The following BRWD1 variants were observed in gnomAD, a reference collection of about 807,000 sequenced individuals.
BRWD1 encodes bromodomain and WD repeat domain containing 1.
Under a neutral mutation model 251.2 loss-of-function variants are expected in BRWD1, and 82 were observed. That is an observed-to-expected ratio of 0.33 (90% CI 0.27 to 0.39). The LOEUF (loss-of-function observed/expected upper bound fraction) is 0.39. Among genes scored for constraint, BRWD1 ranks in the 10% least tolerant of loss-of-function variants. The pLI, the probability that BRWD1 is intolerant of heterozygous loss-of-function variation, is 1.00. For synonymous variants in BRWD1, 918 were observed against 902.8 expected (o/e 1.02, Z -0.30); for missense variants, 2,233 against 2,711.6 (o/e 0.82, Z 3.92).
In BRWD1 at chr21:39,296,259, A is replaced by C. The variant is rs368121723; in HGVS notation, c.448+6T>G. 8.2e-6 allele frequency: 13 copies of C among 1,586,404 alleles called. No homozygotes were observed. Among genetic ancestry groups the C allele is most frequent in the Non-Finnish European group, 1.1e-5 (13 of 1,169,704 alleles). On this transcript the variant is annotated splice_donor_region_variant and intron_variant, in intron 6 of 40. Transcript: ENST00000342449. ...TTCAGGCATCTCAAAGGCCAACCTT[A>C]CTTACCAAGATTTGGTGGGGAACCA...
chr21:39,312,765 G>T (rs1453171335), intron 4 of BRWD1, 76 bp downstream of exon 4: 1 of 1,274,264 alleles, frequency 7.8e-7, no homozygotes, highest in African/African-American at 1.5e-5. Flanking sequence ...ACGGGCCGGG[G>T]TCCCCGCGAG....
chr21:39,248,488 A>G (rs1030351007), intron 20 of BRWD1, among the ~76,000 whole-genome samples: 3 of 151,722 alleles, frequency 2.0e-5, no homozygotes, highest in Non-Finnish European at 4.4e-5. Context: ...AAAACGAAAA[A>G]TTAGCTGGGC....
rs2034245053 is a variant in BRWD1, at chr21:39,247,725, A to C, written c.2457T>G (p.Asn819Lys). ...NRSWRELSSG[N>K]ESSSSVRHET... ...CATGTCTTACAGAGCTTGAAGACTC[A>C]TTTCCAGAAGATAACTCACGCCAGC... Residue 819 changes from asparagine to lysine, a missense_variant, in exon 21 of 41, where the codon AAT becomes AAG. Asn to Lys is a moderately conservative substitution (Grantham distance 94, BLOSUM62 0). Transcript: ENST00000342449. 6.2e-7 allele frequency: 1 copy of C among 1,612,554 alleles called. No homozygotes were observed. The highest frequency in any genetic ancestry group is 1.7e-5 in the Admixed American group (1 of 59,672).
chr21:39,300,417 GGT>G (rs1221177627), intron 4 of BRWD1, among the ~76,000 whole-genome samples: 1 of 152,168 alleles, frequency 6.6e-6, no homozygotes, highest in Non-Finnish European at 1.5e-5. Context: ...AGTTTGGAAA[GGT>G]GGCAACTCCA....
intron 1 of BRWD1, among the ~76,000 whole-genome samples, chr21:39,320,503 T>G (rs2036736653): frequency 6.6e-6 from 1 of 151,726 alleles, no homozygotes; most frequent in African/African-American, 2.4e-5. Context: ...ACTGGCTAGT[T>G]TTTGCATTTT....
chr21:39,292,121 GTGGGTGGGGGT>G (rs1437637047), intron 8 of BRWD1, among the ~76,000 whole-genome samples: 84 of 50,862 alleles, frequency 1.7e-3, no homozygotes, highest in African/African-American at 4.1e-3. Context: ...TTTGTGGGGG[GTGGGTGGGGGT>G]GGGGGGGGGG....
Position 39,190,822 on chromosome 21 carries a change from A to C in BRWD1, c.*5437T>G. Reference sequence around the variant, plus strand: ...TATGGCAGCATCAGGTCAAAAGACCATCAGAAATAATTCCATGAACTAGTT... The same window carrying C: ...TATGGCAGCATCAGGTCAAAAGACCCTCAGAAATAATTCCATGAACTAGTT... On this transcript the variant is annotated 3_prime_UTR_variant, in exon 41 of 41. Transcript: ENST00000342449. 1 of 985,406 alleles carries C rather than the reference A, an allele frequency of 1.0e-6. No individual in the cohort carries two copies. The highest frequency in any genetic ancestry group is 1.2e-6 in the Non-Finnish European group (1 of 829,906). The allele number at this position is 985,406 out of a possible 1,614,324, so 61.0% of individuals were successfully genotyped here.
At chr21:39,296,477 G>C in intron 5 of BRWD1, 114 bp from the exon 6 acceptor site, 1 of 1,283,538 alleles carries the variant, frequency 7.8e-7, no homozygotes, top group African/African-American at 1.5e-5. Flanking sequence ...TTACCAACTA[G>C]TATACTTTAA....
At chr21:39,305,205 C>T (rs979856043) in intron 4 of BRWD1, among the ~76,000 whole-genome samples, 1 of 152,046 alleles carries the variant, frequency 6.6e-6, no homozygotes, top group African/African-American at 2.4e-5. Flanking sequence ...GTGATCTGCC[C>T]GCCTTGGCCC....
At chr21:39,304,866 A>G (rs1250481541) in intron 4 of BRWD1, among the ~76,000 whole-genome samples, 2 of 152,180 alleles carry the variant, frequency 1.3e-5, no homozygotes, top group African/African-American at 4.8e-5. Flanking sequence ...GGTCAATTCA[A>G]TAGGAAAACA....
At position 39,188,115 on chromosome 21, in the gene BRWD1, A is replaced by G; in HGVS notation, c.*8144T>C. On this transcript the variant is annotated 3_prime_UTR_variant, in exon 41 of 41. Coordinates refer to ENST00000342449, the MANE Select transcript of BRWD1 (RefSeq NM_033656.4). ...GGAGGGCTCAGATATGTTTGTTACC[A>G]GTGTCTCAAAGCCAAATTTTCAAAT... 1.0e-6 allele frequency: 1 copy of G among 985,430 alleles called. No homozygotes were observed. The highest frequency in any genetic ancestry group is 1.2e-6 in the Non-Finnish European group (1 of 829,918). 61.0% of individuals were successfully genotyped at this position (985,430 alleles called of 1,614,324 possible). A position where few individuals can be genotyped will look rare whatever the true frequency, so the allele number is the denominator to read the frequency against.
rs765754265 is a variant in BRWD1, at chr21:39,258,470, T to G, written c.2071+17A>C. On this transcript the variant is annotated intron_variant, in intron 18 of 40. Transcript: ENST00000342449. ...ATGCAGCCATATTCAGGTAAAACAT[T>G]TATCACTATTTATTACCTCTCCGGG... 1 of 1,548,260 alleles carries G rather than the reference T, an allele frequency of 6.5e-7. No individual in the cohort carries two copies. Among genetic ancestry groups the G allele is most frequent in the African/African-American group, 1.4e-5 (1 of 72,514 alleles).
chr21:39,269,595 C>T (rs957464994), intron 15 of BRWD1, among the ~76,000 whole-genome samples: 15 of 151,776 alleles, frequency 9.9e-5, no homozygotes, highest in Admixed American at 9.2e-4. Flanking sequence ...TAGAATATTT[C>T]AATAAATTCA....
In BRWD1 at chr21:39,278,566, C is replaced by T. The variant is rs537555973; in HGVS notation, c.1003+177G>A. ...ATTACTACCAGAAATCAGAGAAAGG[C>T]AGACTGGAGGACTGGAAGAACAAGG... On this transcript the variant is annotated intron_variant, in intron 10 of 40. Transcript: ENST00000342449. 7 of 526,838 alleles carry T rather than the reference C, an allele frequency of 1.3e-5. No individual in the cohort carries two copies. The South Asian group carries it at 2.0e-4, about 15-fold the overall frequency. 32.6% of individuals were successfully genotyped at this position (526,838 alleles called of 1,614,324 possible). A position where few individuals can be genotyped will look rare whatever the true frequency, so the allele number is the denominator to read the frequency against.
At chr21:39,252,202 T>C (rs180884567) in intron 19 of BRWD1, among the ~76,000 whole-genome samples, 105 of 142,782 alleles carry the variant, frequency 7.4e-4, no homozygotes, top group African/African-American at 2.7e-3. Context: ...TGAGCCAAGA[T>C]CACACCATTA....
At chr21:39,185,153 A>G (rs2031140864), downstream of BRWD1, 1 of 152,086 alleles carries the variant, frequency 6.6e-6, no homozygotes, top group African/African-American at 2.4e-5. Context: ...AAAAAGGCAA[A>G]TATGTTCGAA....
At position 39,232,288 on chromosome 21, in the gene BRWD1, C is replaced by A; in HGVS notation, c.2893-4G>T. ...GACCCTGTCGAAAATATATTACCTACAAAAGGGAAATATGCATTTAAAAAT... is the reference window on the plus strand; with the variant it reads ...GACCCTGTCGAAAATATATTACCTAAAAAAGGGAAATATGCATTTAAAAAT... On this transcript the variant is annotated splice_region_variant and splice_polypyrimidine_tract_variant and intron_variant, in intron 24 of 40. Coordinates refer to ENST00000342449, the MANE Select transcript of BRWD1 (RefSeq NM_033656.4). 2.5e-6 allele frequency: 4 copies of A among 1,606,360 alleles called. No individual in the cohort carries two copies. Among genetic ancestry groups the A allele is most frequent in the Non-Finnish European group, 2.5e-6 (3 of 1,177,324 alleles).
rs376900840 is a variant in BRWD1, at chr21:39,272,008, C to CAAA, written c.1245-1578_1245-1576dup. Among the ~76,000 whole-genome samples, 912 of 115,000 alleles carry CAAA rather than the reference C, an allele frequency of 7.9e-3. 11 individuals are homozygous for CAAA. Among genetic ancestry groups the CAAA allele is most frequent in the East Asian group, 0.025 (92 of 3,724 alleles). The allele number at this position is 115,000 out of a possible 152,430, so 75.4% of individuals were successfully genotyped here. ...GAGCTGAGACCGTGCCACTCCATTT[C>CAAA]AAAAAAAAAAAAAAAAAGAATATAG... On this transcript the variant is annotated intron_variant, in intron 13 of 40. Transcript: ENST00000342449.
intron 36 of BRWD1, 23 bp from the exon 37 acceptor site, chr21:39,206,297 T>C (rs944677254): frequency 6.7e-7 from 1 of 1,492,064 alleles, no homozygotes; most frequent in African/African-American, 1.4e-5. Flanking sequence ...AAAAACAAAG[T>C]AGAATTACAA....
Sources: allele counts gnomAD v4.1 joint callset (sites outside exome capture counted in the v4.1 genomes callset), GRCh38; gene constraint gnomAD v4.1.1; transcripts MANE v1.5; gene names NCBI Gene and HGNC (gene_info 2026-07-23, HGNC 2026-07-21).